The following EIF3A variants were observed in gnomAD, a reference collection of about 807,000 sequenced individuals.
EIF3A encodes eukaryotic translation initiation factor 3 subunit A, also known as EIF3, p180 subunit.
EIF3A carries 21 observed loss-of-function variants against 186.6 expected under a neutral mutation model. The observed-to-expected ratio is 0.11, with a 90% confidence interval of 0.08 to 0.16. EIF3A has a LOEUF of 0.16. Ranked by LOEUF, EIF3A falls within the 10% of genes least tolerant of loss-of-function variation. The pLI is 1.00. For missense variants in EIF3A, 1,306 were observed against 1,796.3 expected (o/e 0.73, Z 4.93); for synonymous variants, 563 against 584.3 (o/e 0.96, Z 0.52).
At chr10:119,038,822 G>A (rs1018867718) in intron 19 of EIF3A, among the ~76,000 whole-genome samples, 1 of 151,666 alleles carries the variant, frequency 6.6e-6, no homozygotes, top group Non-Finnish European at 1.5e-5. Context: ...TGACTTAGGA[G>A]GCTGAGGCAT....
intron 19 of EIF3A, 146 bp from the exon 20 acceptor site, chr10:119,038,585 C>T (rs1848167297): frequency 1.5e-6 from 1 of 671,362 alleles, no homozygotes. Context: ...AAGCTGTGTA[C>T]ATCACTGCAC....
At chr10:119,068,138 A>G (rs1844009210) in intron 6 of EIF3A, among the ~76,000 whole-genome samples, 2 of 152,156 alleles carry the variant, frequency 1.3e-5, no homozygotes, top group Non-Finnish European at 2.9e-5. Flanking sequence ...TTTAAGTGAC[A>G]GAAAACAGGT....
intron 17 of EIF3A, among the ~76,000 whole-genome samples, 155 bp downstream of exon 17, chr10:119,049,646 G>C: frequency 6.6e-6 from 1 of 151,712 alleles, no homozygotes; most frequent in Admixed American, 6.6e-5. Flanking sequence ...CAGCTACTCA[G>C]GAGGCTGAGA....
chr10:119,048,761 T>A (rs1455124822), intron 17 of EIF3A, among the ~76,000 whole-genome samples: 1 of 151,724 alleles, frequency 6.6e-6, no homozygotes, highest in South Asian at 2.1e-4. Context: ...AACCTCCACC[T>A]CCTGGGTTCA....
intron 1 of EIF3A, among the ~76,000 whole-genome samples, chr10:119,076,035 T>A (rs1346753197): frequency 6.7e-6 from 1 of 149,702 alleles, no homozygotes; most frequent in East Asian, 2.0e-4. Flanking sequence ...CAATACTTTT[T>A]CTTTTAAGAG....
At chr10:119,059,530 C>CTGAGAAACAGAAGG (rs1843847432) in intron 10 of EIF3A, 72 bp downstream of exon 10, 6 of 1,372,134 alleles carry the variant, frequency 4.4e-6, no homozygotes. Context: ...GTACCAAAAG[C>CTGAGAAACAGAAGG]TGAGAAACAG....
intron 1 of EIF3A, among the ~76,000 whole-genome samples, chr10:119,075,371 TAC>T (rs1204337087): frequency 2.0e-5 from 3 of 152,278 alleles, no homozygotes; most frequent in South Asian, 2.1e-4. Flanking sequence ...TGTTTTGAAA[TAC>T]AGTCAAAAGC....
In EIF3A at chr10:119,050,515, G is replaced by C. The variant is rs1848342539; in HGVS notation, c.2473+6C>G. The C allele has an allele frequency of 6.2e-7, 1 of 1,613,524 alleles. No homozygotes were observed. The highest frequency in any genetic ancestry group is 8.5e-7 in the Non-Finnish European group (1 of 1,179,682). On this transcript the variant is annotated splice_donor_region_variant and intron_variant, in intron 16 of 21. Transcript: ENST00000369144. ...GCACCCCTCCAATCCTGTTTGACCT[G>C]TGTACCTTTTAGCATTTGTTCTTCT...
chr10:119,078,375 C>T (rs922876847), intron 1 of EIF3A, among the ~76,000 whole-genome samples: 5 of 143,224 alleles, frequency 3.5e-5, no homozygotes, highest in Non-Finnish European at 6.3e-5. Flanking sequence ...GTGACCTGAA[C>T]GACTATTCTA....
chr10:119,039,832 G>C (rs1281379968), intron 19 of EIF3A, among the ~76,000 whole-genome samples: 1 of 152,072 alleles, frequency 6.6e-6, no homozygotes, highest in Non-Finnish European at 1.5e-5. Flanking sequence ...TCAGAAATAG[G>C]GAGTCTTTAA....
At chr10:119,050,098 GAA>G (rs1848336292) in intron 16 of EIF3A, 113 bp from the exon 17 acceptor site, 1 of 1,056,762 alleles carries the variant, frequency 9.5e-7, no homozygotes, top group Non-Finnish European at 1.4e-6. Flanking sequence ...AAAAGAATTT[GAA>G]AATAGTTTGT....
chr10:119,054,237 C>A (rs901941093), intron 14 of EIF3A, among the ~76,000 whole-genome samples: 6 of 151,964 alleles, frequency 3.9e-5, no homozygotes, highest in African/African-American at 1.4e-4. Flanking sequence ...GGCTTTCTAA[C>A]CTCTCTCAGC....
chr10:119,059,567 G>C, intron 10 of EIF3A, 35 bp downstream of exon 10: 1 of 1,522,640 alleles, frequency 6.6e-7, no homozygotes, highest in Non-Finnish European at 9.1e-7. Flanking sequence ...TAGCCCTCAA[G>C]GGCCTTCTCC....
intron 14 of EIF3A, among the ~76,000 whole-genome samples, chr10:119,051,880 C>T (rs1333991470): frequency 6.6e-6 from 1 of 152,072 alleles, no homozygotes; most frequent in Non-Finnish European, 1.5e-5. Flanking sequence ...GAAAACAAAA[C>T]AAAAAATACT....
chr10:119,068,719 T>C (rs2119819930), intron 6 of EIF3A, among the ~76,000 whole-genome samples: 1 of 152,116 alleles, frequency 6.6e-6, no homozygotes, highest in East Asian at 1.9e-4. Flanking sequence ...CTCACTCCTG[T>C]AATCCCAGCA....
In EIF3A at chr10:119,078,706, TC is replaced by T. The variant is rs548793520; in HGVS notation, c.49+1921del. On this transcript the variant is annotated intron_variant, in intron 1 of 21. Coordinates refer to ENST00000369144, the MANE Select transcript of EIF3A (RefSeq NM_003750.4). ...AAGCTACACAAACAAAACTCAAGTT[TC>T]CCCCCCAGTGTCCCTCATCTTGCCT... is the stretch of plus-strand genomic sequence containing the variant. Among the ~76,000 whole-genome samples, 314 of 152,066 alleles carry T rather than the reference TC, an allele frequency of 2.1e-3. 2 individuals are homozygous for T. Among genetic ancestry groups the T allele is most frequent in the African/African-American group, 7.3e-3 (301 of 41,482 alleles).
Position 119,070,941 on chromosome 10 carries a change from T to C in EIF3A, c.686A>G (p.His229Arg). 1 of 1,614,086 alleles carries C rather than the reference T, an allele frequency of 6.2e-7. No homozygotes were observed. Among genetic ancestry groups the C allele is most frequent in the Non-Finnish European group, 8.5e-7 (1 of 1,179,912 alleles). Residue 229 changes from histidine to arginine, a missense_variant, in exon 5 of 22, where the codon CAT becomes CGT. Physicochemically the swap from His to Arg is conservative, Grantham distance 29. Coordinates refer to ENST00000369144, the MANE Select transcript of EIF3A (RefSeq NM_003750.4). The part of the protein sequence containing the change: ...NLNNPESQSM[H>R]LETRLVQLDS... ...CAGCTGAACAAGTCTGGTTTCCAAA[T>C]GCATGGACTGGCTCTCTGGATTATT...
intron 14 of EIF3A, among the ~76,000 whole-genome samples, chr10:119,052,218 A>G (rs148611503): frequency 6.6e-6 from 1 of 152,196 alleles, no homozygotes; most frequent in Non-Finnish European, 1.5e-5. Flanking sequence ...CTTTGTTGTC[A>G]GGTCAACAAT....
At chr10:119,055,980 GA>G (rs36043799) in intron 14 of EIF3A, among the ~76,000 whole-genome samples, 1 of 149,676 alleles carries the variant, frequency 6.7e-6, no homozygotes, top group Non-Finnish European at 1.5e-5. Context: ...AACTTTTCCA[GA>G]AAAAAAAATG....
Sources: allele counts gnomAD v4.1 joint callset (sites outside exome capture counted in the v4.1 genomes callset), GRCh38; gene constraint gnomAD v4.1.1; transcripts MANE v1.5; gene names NCBI Gene and HGNC (gene_info 2026-07-23, HGNC 2026-07-21).